Variants in SNTG1 observed in about 807,000 individuals in gnomAD.
SNTG1 encodes the protein syntrophin gamma 1, also known as gamma-1-syntrophin.
SNTG1 carries 39 observed loss-of-function variants against 74.7 expected under a neutral mutation model. The observed-to-expected ratio is 0.52, with a 90% CI of 0.40 to 0.68. The LOEUF (loss-of-function observed/expected upper bound fraction) is 0.68. SNTG1 is among the 30% of genes least tolerant of loss of function. SNTG1 has a pLI of 0.00. For synonymous variants in SNTG1, 254 were observed against 217.1 expected, an observed-to-expected ratio of 1.17 and a Z score of -1.49; for missense variants, 685 against 609.5, an observed-to-expected ratio of 1.12 and a Z score of -1.30.
chr8:50,103,461 C>A (rs2080231313), intron 1 of SNTG1, among the ~76,000 whole-genome samples: 2 of 152,162 alleles, frequency 1.3e-5, no homozygotes, highest in African/African-American at 4.8e-5. Context: ...AGATTTTGGG[C>A]TGAGATGATG....
chr8:50,207,893 T>C (rs1204491858), intron 2 of SNTG1, among the ~76,000 whole-genome samples: 1 of 152,224 alleles, frequency 6.6e-6, no homozygotes, highest in Non-Finnish European at 1.5e-5. Context: ...AGTTTCTTAA[T>C]CCTGAGTTCT....
chr8:50,335,671 G>A (rs1218054452), intron 2 of SNTG1, among the ~76,000 whole-genome samples: 1 of 151,766 alleles, frequency 6.6e-6, no homozygotes, highest in African/African-American at 2.4e-5. Context: ...ACTTTTAAGG[G>A]CTCCTGTGAT....
chr8:50,018,434 G>A (rs1317276427), intron 1 of SNTG1, among the ~76,000 whole-genome samples: 1 of 151,886 alleles, frequency 6.6e-6, no homozygotes, highest in Non-Finnish European at 1.5e-5. Context: ...GGGACAACTG[G>A]ATATGCAAAG....
chr8:50,286,826 C>T (rs530161550), intron 2 of SNTG1: 1 of 152,216 alleles, frequency 6.6e-6, no homozygotes, highest in East Asian at 1.9e-4. Context: ...ACAGAAGGCA[C>T]CAGAATATTT....
intron 17 of SNTG1, among the ~76,000 whole-genome samples, chr8:50,722,688 C>T (rs780718009): frequency 1.3e-5 from 2 of 152,076 alleles, no homozygotes; most frequent in Non-Finnish European, 2.9e-5. Context: ...ATGGCTTTTG[C>T]CATTGACAGT....
At chr8:50,138,842 C>T (rs1424595456) in intron 1 of SNTG1, among the ~76,000 whole-genome samples, 3 of 151,722 alleles carry the variant, frequency 2.0e-5, no homozygotes, top group African/African-American at 4.8e-5. Flanking sequence ...AGGATTATTG[C>T]ATATTTTCCT....
intron 17 of SNTG1, among the ~76,000 whole-genome samples, chr8:50,731,157 A>G (rs2095511965): frequency 6.6e-6 from 1 of 152,142 alleles, no homozygotes; most frequent in Admixed American, 6.5e-5. Flanking sequence ...AACAAAATAC[A>G]TGATCATTCC....
intron 1 of SNTG1, among the ~76,000 whole-genome samples, chr8:50,128,548 A>C (rs2131387988): frequency 6.6e-6 from 1 of 152,224 alleles, no homozygotes; most frequent in South Asian, 2.1e-4. Flanking sequence ...AGATAAATAA[A>C]CCATATATTG....
rs538707457 is a variant in SNTG1, at chr8:50,465,946, T to C, written c.363+15217T>C. 2.6e-5 allele frequency among the ~76,000 whole-genome samples: 4 copies of C among 152,270 alleles called. No homozygotes were observed. The East Asian group carries it at 7.7e-4, about 29-fold the overall frequency. On this transcript the variant is annotated intron_variant, in intron 8 of 18. Coordinates refer to ENST00000642720, the MANE Select transcript of SNTG1 (RefSeq NM_018967.5). ...GTGTGGACATATTTTTAGAAATCAA[T>C]TGGCTCAGAAGGCAGTTTCTGAATT... is the stretch of plus-strand genomic sequence containing the variant.
chr8:50,715,030 A>G (rs1221842316), intron 17 of SNTG1, among the ~76,000 whole-genome samples: 1 of 152,200 alleles, frequency 6.6e-6, no homozygotes. Flanking sequence ...ACAAAATTCC[A>G]TGATTCTAAA....
intron 12 of SNTG1, among the ~76,000 whole-genome samples, chr8:50,574,827 T>A (rs2094567889): frequency 6.6e-6 from 1 of 152,218 alleles, no homozygotes; most frequent in South Asian, 2.1e-4. Flanking sequence ...CATTGCTGAC[T>A]ATTTATTTGC....
intron 5 of SNTG1, among the ~76,000 whole-genome samples, chr8:50,445,096 CT>C (rs1434913252): frequency 6.6e-6 from 1 of 152,160 alleles, no homozygotes; most frequent in South Asian, 2.1e-4. Context: ...GACCATTTCC[CT>C]ATTTTAGACT....
At chr8:50,762,137 T>C (rs2095600733) in intron 18 of SNTG1, among the ~76,000 whole-genome samples, 1 of 151,998 alleles carries the variant, frequency 6.6e-6, no homozygotes, top group South Asian at 2.1e-4. Context: ...TATTTAAATA[T>C]ACTCACATAA....
chr8:50,549,604 G>A (rs529460824), intron 11 of SNTG1, among the ~76,000 whole-genome samples: 4 of 152,182 alleles, frequency 2.6e-5, no homozygotes, highest in African/African-American at 7.2e-5. Context: ...CAGGATCAGA[G>A]AGAAAAATTG....
intron 2 of SNTG1, among the ~76,000 whole-genome samples, chr8:50,174,866 C>A (rs1204926996): frequency 7.7e-6 from 1 of 129,666 alleles, no homozygotes; most frequent in African/African-American, 2.9e-5. Flanking sequence ...CCCCCCTCCC[C>A]CCACCCCACA....
intron 2 of SNTG1, among the ~76,000 whole-genome samples, chr8:50,272,849 G>A (rs1407094562): frequency 6.6e-6 from 1 of 151,012 alleles, no homozygotes; most frequent in African/African-American, 2.4e-5. Flanking sequence ...CAATCCTCCT[G>A]CCTCAGCCTC....
chr8:50,136,696 G>C (rs2081486197), intron 1 of SNTG1, among the ~76,000 whole-genome samples: 1 of 152,094 alleles, frequency 6.6e-6, no homozygotes, highest in South Asian at 2.1e-4. Context: ...AATACCTGGT[G>C]AATGTTATTT....
chr8:50,361,228 C>T (rs960325013), intron 2 of SNTG1, among the ~76,000 whole-genome samples: 3 of 152,174 alleles, frequency 2.0e-5, no homozygotes, highest in African/African-American at 4.8e-5. Context: ...ATCAATATCA[C>T]TGTCTTCCAC....
At chr8:49,957,783 G>C (rs562287971) in intron 1 of SNTG1, among the ~76,000 whole-genome samples, 1 of 152,018 alleles carries the variant, frequency 6.6e-6, no homozygotes, top group African/African-American at 2.4e-5. Context: ...GCACAACATG[G>C]GGAGACCCTA....
Sources: gnomAD v4.1 joint callset for allele counts (sites outside exome capture counted in the v4.1 genomes callset) on GRCh38, gnomAD v4.1.1 for gene constraint, MANE v1.5 for transcripts, NCBI Gene and HGNC (gene_info 2026-07-23, HGNC 2026-07-21) for gene names.